The following PALS2 variants were observed in gnomAD, a reference collection of about 807,000 sequenced individuals.
The protein encoded by PALS2 is protein PALS2.
In PALS2, 27 loss-of-function variants were observed where a neutral mutation model predicts 61.6. That is an observed-to-expected ratio of 0.44 (90% CI 0.32 to 0.60). The LOEUF (loss-of-function observed/expected upper bound fraction) is 0.60. PALS2 is among the 20% of genes least tolerant of loss of function. PALS2 has a pLI of 0.05. For missense variants in PALS2, 554 were observed against 639.4 expected (o/e 0.87, Z 1.44); for synonymous variants, 236 against 218.6 (o/e 1.08, Z -0.70).
chr7:24,623,917 A>G (rs979559486), intron 2 of PALS2, 133 bp downstream of exon 2: 3 of 958,360 alleles, frequency 3.1e-6, no homozygotes, highest in Non-Finnish European at 4.7e-6. Context: ...CATTCAGCAC[A>G]TAATGAAATC....
rs545982720 is a variant in PALS2, at chr7:24,676,553, T to A, written c.1115-2578T>A. On this transcript the variant is annotated intron_variant, in intron 9 of 11. Transcript: ENST00000222644. ...AATCCATCTTGAATTGATTTTTGTA[T>A]AAGGTGTAAGGAAGGGATCCAGTTT... 2.0e-5 allele frequency among the ~76,000 whole-genome samples: 3 copies of A among 152,208 alleles called. No homozygotes were observed. In the South Asian group the frequency reaches 6.2e-4, roughly 32 times the overall value.
intron 1 of PALS2, among the ~76,000 whole-genome samples, chr7:24,584,676 A>G (rs1448689715): frequency 2.0e-5 from 3 of 151,844 alleles, no homozygotes; most frequent in East Asian, 1.9e-4. Context: ...ATTAGATCCC[A>G]TTTGTCAATT....
intron 1 of PALS2, among the ~76,000 whole-genome samples, chr7:24,585,706 T>C (rs1033025532): frequency 6.6e-6 from 1 of 152,196 alleles, no homozygotes; most frequent in Non-Finnish European, 1.5e-5. Context: ...TATTTATTTA[T>C]TTATTTTTTT....
At chr7:24,642,119 A>T (rs554851381) in intron 3 of PALS2, among the ~76,000 whole-genome samples, 71 of 152,296 alleles carry the variant, frequency 4.7e-4, no homozygotes, top group Middle Eastern at 3.4e-3. Context: ...TTGTGCCATT[A>T]AAGAAAACAA....
chr7:24,680,747 T>C (rs1194392568), intron 11 of PALS2, among the ~76,000 whole-genome samples: 5 of 152,022 alleles, frequency 3.3e-5, no homozygotes, highest in African/African-American at 1.2e-4. Context: ...AGGCATGCGC[T>C]ACCAGGCCTG....
intron 1 of PALS2, among the ~76,000 whole-genome samples, chr7:24,585,429 A>G (rs1343609798): frequency 1.3e-5 from 2 of 152,116 alleles, no homozygotes; most frequent in Non-Finnish European, 2.9e-5. Flanking sequence ...TCTTATGTTC[A>G]CTTAAAAGTT....
In PALS2 at chr7:24,689,289, C is replaced by T. The variant is rs949409184; in HGVS notation, c.*1675C>T. 1 of 152,196 alleles carries T rather than the reference C, an allele frequency of 6.6e-6. No individual in the cohort carries two copies. Among genetic ancestry groups the T allele is most frequent in the South Asian group, 2.1e-4 (1 of 4,834 alleles). The allele number at this position is 152,196 out of a possible 1,614,324, so 9.4% of individuals were successfully genotyped here. A position where few individuals can be genotyped will look rare whatever the true frequency, so the allele number is the denominator to read the frequency against. On this transcript the variant is annotated 3_prime_UTR_variant, in exon 12 of 12. Coordinates refer to ENST00000222644, the MANE Select transcript of PALS2 (RefSeq NM_001303037.2). ...GCTCATTATTAAATTAAGGTAACCA[C>T]ATTCTGTATTGTTGCTAGCTTTTCA...
chr7:24,661,567 C>A (rs973592373), intron 5 of PALS2, among the ~76,000 whole-genome samples: 2 of 152,162 alleles, frequency 1.3e-5, no homozygotes, highest in African/African-American at 4.8e-5. Flanking sequence ...ATTCTTCAAT[C>A]ACTGCATCTT....
At chr7:24,631,506 TAAC>T (rs1784995206) in intron 2 of PALS2, among the ~76,000 whole-genome samples, 2 of 152,158 alleles carry the variant, frequency 1.3e-5, no homozygotes, top group African/African-American at 4.8e-5. Context: ...GTTGAAATGA[TAAC>T]AAAGGATTAC....
intron 3 of PALS2, among the ~76,000 whole-genome samples, chr7:24,645,376 CT>C (rs776443893): frequency 1.3e-5 from 2 of 152,146 alleles, no homozygotes; most frequent in Non-Finnish European, 2.9e-5. Flanking sequence ...AATAGGGAGT[CT>C]TTTCCCCGTT....
chr7:24,618,319 A>G lies in PALS2; in HGVS notation c.-2-5347A>G, dbSNP rs1319632474. On this transcript the variant is annotated intron_variant, in intron 1 of 11. Coordinates refer to ENST00000222644, the MANE Select transcript of PALS2 (RefSeq NM_001303037.2). The surrounding 1 kb of genome is among the most constrained non-coding windows in gnomAD (Gnocchi z 5.1). Reference sequence around the variant, plus strand: ...GCAGGGATTGGTTTCCTTGCTCTGCAGGACCAGAGCCACAGCAGATCCTGT... The same window carrying G: ...GCAGGGATTGGTTTCCTTGCTCTGCGGGACCAGAGCCACAGCAGATCCTGT... Among the ~76,000 whole-genome samples, 3 of 152,206 alleles carry G rather than the reference A, an allele frequency of 2.0e-5. No homozygotes were observed. Among genetic ancestry groups the G allele is most frequent in the Non-Finnish European group, 4.4e-5 (3 of 68,026 alleles).
intron 1 of PALS2, among the ~76,000 whole-genome samples, chr7:24,590,422 C>A (rs1783239468): frequency 6.6e-6 from 1 of 152,116 alleles, no homozygotes; most frequent in Non-Finnish European, 1.5e-5. Context: ...CCTGTGGAAG[C>A]CACTGACCCA....
In PALS2 at chr7:24,596,826, G is replaced by A. The variant is rs1180571600; in HGVS notation, c.-3+23233G>A. Reference sequence around the variant, plus strand: ...TGTGGTGGGGAGAGATTGGGGATTAGTATACCAGTTAAGAGGCTTTTAAAG... The same window carrying A: ...TGTGGTGGGGAGAGATTGGGGATTAATATACCAGTTAAGAGGCTTTTAAAG... On this transcript the variant is annotated intron_variant, in intron 1 of 11. Coordinates refer to ENST00000222644, the MANE Select transcript of PALS2 (RefSeq NM_001303037.2). This position sits in a 1 kb window ranked among gnomAD's most constrained non-coding sequence, Gnocchi z 4.5. 6.6e-6 allele frequency among the ~76,000 whole-genome samples: 1 copy of A among 152,150 alleles called. No homozygotes were observed. Among genetic ancestry groups the A allele is most frequent in the Non-Finnish European group, 1.5e-5 (1 of 68,020 alleles).
intron 1 of PALS2, among the ~76,000 whole-genome samples, chr7:24,592,843 TG>T (rs1203788752): frequency 6.6e-6 from 1 of 152,102 alleles, no homozygotes; most frequent in African/African-American, 2.4e-5. Context: ...TGAAGTCTTT[TG>T]CTGGTGGAGG....
chr7:24,692,118 G>T lies in PALS2; in HGVS notation c.*4504G>T, dbSNP rs1187511556. 7.2e-5 allele frequency: 11 copies of T among 152,138 alleles called. No individual in the cohort carries two copies. In the East Asian group the frequency reaches 2.1e-3, roughly 29 times the overall value. 9.4% of individuals were successfully genotyped at this position (152,138 alleles called of 1,614,324 possible). A position where few individuals can be genotyped will look rare whatever the true frequency, so the allele number is the denominator to read the frequency against. On this transcript the variant is annotated 3_prime_UTR_variant, in exon 12 of 12. Transcript: ENST00000222644. ...CATAATTCATCATGCTAGCTTCTGT[G>T]TTCTTGGAATAGTTTTTGAAAAATG...
chr7:24,648,269 C>T (rs940562514), intron 3 of PALS2, among the ~76,000 whole-genome samples: 56 of 150,338 alleles, frequency 3.7e-4, no homozygotes, highest in African/African-American at 1.1e-3. Context: ...TGAATATGCA[C>T]AGTTGCAGTA....
At chr7:24,574,834 A>G (rs2128036719) in intron 1 of PALS2, among the ~76,000 whole-genome samples, 1 of 152,342 alleles carries the variant, frequency 6.6e-6, no homozygotes. Context: ...CAGGCGAAGT[A>G]ACATTTTTAG....
intron 11 of PALS2, among the ~76,000 whole-genome samples, chr7:24,682,306 C>T (rs780443740): frequency 2.2e-4 from 33 of 152,162 alleles, no homozygotes; most frequent in Admixed American, 9.2e-4. Flanking sequence ...TCTTTCTCAG[C>T]TTCAGGTCGT....
rs1274329385 is a variant in PALS2, at chr7:24,691,405, G to GTGTGTACA, written c.*3792_*3793insGTGTACAT. 9 of 110,596 alleles carry GTGTGTACA rather than the reference G, an allele frequency of 8.1e-5. No homozygotes were observed. Among genetic ancestry groups the GTGTGTACA allele is most frequent in the Admixed American group, 1.0e-4 (1 of 9,888 alleles). The allele number at this position is 110,596 out of a possible 1,614,324, so 6.9% of individuals were successfully genotyped here. On this transcript the variant is annotated 3_prime_UTR_variant, in exon 12 of 12. Coordinates refer to ENST00000222644, the MANE Select transcript of PALS2 (RefSeq NM_001303037.2). ...ATATTATGTATGTGTGTGTGTGTGT[G>GTGTGTACA]TATATATATATATATATATATATAT...
Sources: gnomAD v4.1 joint callset for allele counts (sites outside exome capture counted in the v4.1 genomes callset) on GRCh38, gnomAD v4.1.1 for gene constraint, Gnocchi (gnomAD v3.1) non-coding constraint, MANE v1.5 for transcripts, NCBI Gene and HGNC (gene_info 2026-07-23, HGNC 2026-07-21) for gene names.